Variants in SMAD7 observed in about 807,000 individuals in gnomAD.
SMAD7 encodes SMAD family member 7.
A neutral mutation model predicts 38.7 loss-of-function variants in SMAD7; 8 were observed. The ratio of observed to expected loss-of-function variants is 0.21; its 90% CI spans 0.12 to 0.37. SMAD7 has a LOEUF of 0.37. Among genes scored for constraint, SMAD7 ranks in the 10% least tolerant of loss-of-function variants. The probability of loss-of-function intolerance (pLI) is 1.00; values close to 1 mark genes in which losing one functional copy is unlikely to be tolerated. For synonymous variants in SMAD7, 327 were observed against 265.1 expected (o/e 1.23, Z -2.27); for missense variants, 477 against 577.9 (o/e 0.83, Z 1.79).
At chr18:48,925,442 A>T (rs59381517) in intron 3 of SMAD7, among the ~76,000 whole-genome samples, 1 of 151,170 alleles carries the variant, frequency 6.6e-6, no homozygotes, top group Admixed American at 6.6e-5. Flanking sequence ...GCCCCCCCCC[A>T]ACCTTCCCCA....
chr18:48,928,312 A>G (rs2069953114), intron 3 of SMAD7, among the ~76,000 whole-genome samples: 1 of 152,204 alleles, frequency 6.6e-6, no homozygotes, highest in Non-Finnish European at 1.5e-5. Context: ...TATTTTTACT[A>G]CCTTCCAGAG....
At chr18:48,942,139 C>T (rs745905460) in intron 3 of SMAD7, among the ~76,000 whole-genome samples, 2 of 152,168 alleles carry the variant, frequency 1.3e-5, no homozygotes, top group Non-Finnish European at 2.9e-5. Context: ...AAAAAGAGCT[C>T]AAATGCATGA....
chr18:48,946,908 G>C (rs1306017286), intron 2 of SMAD7, among the ~76,000 whole-genome samples: 4 of 152,022 alleles, frequency 2.6e-5, no homozygotes, highest in Non-Finnish European at 5.9e-5. Flanking sequence ...TACCCCTGCT[G>C]GTCTTTATCC....
At chr18:48,933,326 G>A (rs1315145072) in intron 3 of SMAD7, among the ~76,000 whole-genome samples, 1 of 152,120 alleles carries the variant, frequency 6.6e-6, no homozygotes, top group African/African-American at 2.4e-5. Flanking sequence ...CTGCCTCCAG[G>A]TAGAGGCAAC....
intron 3 of SMAD7, among the ~76,000 whole-genome samples, chr18:48,922,975 G>A (rs2069881112): frequency 1.3e-5 from 2 of 152,204 alleles, no homozygotes; most frequent in African/African-American, 4.8e-5. Context: ...GGGAAAGGGA[G>A]CCCCGGCGGC....
In SMAD7 at chr18:48,950,035, G is replaced by A; in HGVS notation, c.390C>T (p.Gly130=). ...GTRTACLLLP[G]RLDCRLGPGA... ...CCGGGCCCAGCCTGCAGTCCAGGCGGCCGGGCAGCAGGAGGCACGCGGTGC... is the reference window on the plus strand; with the variant it reads ...CCGGGCCCAGCCTGCAGTCCAGGCGACCGGGCAGCAGGAGGCACGCGGTGC... Residue 130 remains glycine (G), a synonymous_variant, in exon 1 of 4, where the codon GGC becomes GGT. Coordinates refer to ENST00000262158, the MANE Select transcript of SMAD7 (RefSeq NM_005904.4). 2.1e-6 allele frequency: 3 copies of A among 1,454,440 alleles called. No homozygotes were observed. The highest frequency in any genetic ancestry group is 1.8e-6 in the Non-Finnish European group (2 of 1,106,578). The allele number at this position is 1,454,440 out of a possible 1,614,324, so 90.1% of individuals were successfully genotyped here.
At chr18:48,941,159 G>A (rs2070135019) in intron 3 of SMAD7, among the ~76,000 whole-genome samples, 1 of 152,058 alleles carries the variant, frequency 6.6e-6, no homozygotes, top group Admixed American at 6.6e-5. Context: ...GCCTTAGAAA[G>A]CAGAAAAGAT....
At chr18:48,927,215 A>G (rs189681179) in intron 3 of SMAD7, among the ~76,000 whole-genome samples, 57 of 152,352 alleles carry the variant, frequency 3.7e-4, no homozygotes, top group Admixed American at 1.2e-3. Flanking sequence ...ATCAGAAAAC[A>G]CTGGGGCCCA....
Position 48,950,284 on chromosome 18 carries a change from C to T in SMAD7, c.141G>A (p.Ala47=), listed in dbSNP as rs1471477835. The T allele has an allele frequency of 1.3e-6, 2 of 1,528,616 alleles. No individual in the cohort carries two copies. Among genetic ancestry groups the T allele is most frequent in the South Asian group, 1.2e-5 (1 of 82,630 alleles). 94.7% of individuals were successfully genotyped at this position (1,528,616 alleles called of 1,614,324 possible). Residue 47 remains alanine, a synonymous_variant, in exon 1 of 4, where the codon GCG becomes GCA. Transcript: ENST00000262158. ...LRGEGATDSR[A]HGAGGGGPGR... is the part of the protein sequence containing the mutation. The stretch of plus-strand genomic sequence containing the variant: ...CCGGGCCGCCGCCACCGGCCCCATG[C>T]GCTCGGCTGTCCGTCGCCCCTTCTC...
chr18:48,939,473 T>C lies in SMAD7; in HGVS notation c.742+3008A>G, dbSNP rs1351047670. 2.9e-5 allele frequency among the ~76,000 whole-genome samples: 4 copies of C among 139,038 alleles called. No homozygotes were observed. The Admixed American group carries it at 3.0e-4, about 10-fold the overall frequency. The allele number at this position is 139,038 out of a possible 152,430, so 91.2% of individuals were successfully genotyped here. ...GCTCCTACCCGCCCACTCCCCTTCC[T>C]CCCGGGCAGTTTGCAAGGGCGCAGG... On this transcript the variant is annotated intron_variant, in intron 3 of 3. Transcript: ENST00000262158.
chr18:48,933,091 G>T (rs554138261), intron 3 of SMAD7, among the ~76,000 whole-genome samples: 3 of 152,122 alleles, frequency 2.0e-5, no homozygotes, highest in Non-Finnish European at 2.9e-5. Flanking sequence ...AGCAAGAAGC[G>T]GGGTGGGGAG....
At chr18:48,948,102 T>C (rs375043405) in intron 2 of SMAD7, among the ~76,000 whole-genome samples, 30 of 152,316 alleles carry the variant, frequency 2.0e-4, no homozygotes, top group African/African-American at 6.7e-4. Flanking sequence ...CACTTCTCTC[T>C]GGACTAAAGC....
chr18:48,943,374 C>A (rs910917420), intron 2 of SMAD7, among the ~76,000 whole-genome samples: 21 of 152,204 alleles, frequency 1.4e-4, no homozygotes, highest in African/African-American at 4.8e-4. Flanking sequence ...TTCTCTTCAA[C>A]TTCTGTCACC....
intron 3 of SMAD7, among the ~76,000 whole-genome samples, chr18:48,940,736 G>A (rs1390732223): frequency 6.6e-6 from 1 of 151,592 alleles, no homozygotes; most frequent in Non-Finnish European, 1.5e-5. Context: ...TGGTGACAGA[G>A]CGAGACTCCG....
intron 3 of SMAD7, among the ~76,000 whole-genome samples, chr18:48,935,935 C>T (rs930330420): frequency 1.3e-5 from 2 of 152,068 alleles, no homozygotes; most frequent in Non-Finnish European, 2.9e-5. Flanking sequence ...ATTAGCCAGG[C>T]ATGGTGTGGC....
At chr18:48,942,382 A>G in intron 3 of SMAD7, 99 bp downstream of exon 3, 1 of 771,322 alleles carries the variant, frequency 1.3e-6, no homozygotes, top group Non-Finnish European at 2.2e-6. Context: ...AATGAAGTCC[A>G]GACCAGCTGG....
At chr18:48,926,171 G>A (rs896493555) in intron 3 of SMAD7, among the ~76,000 whole-genome samples, 3 of 152,246 alleles carry the variant, frequency 2.0e-5, no homozygotes, top group African/African-American at 7.2e-5. Flanking sequence ...AGGGCAGAGA[G>A]GCAGAGCAGC....
At chr18:48,935,774 T>C (rs561394253) in intron 3 of SMAD7, among the ~76,000 whole-genome samples, 1 of 152,252 alleles carries the variant, frequency 6.6e-6, no homozygotes, top group South Asian at 2.1e-4. Flanking sequence ...TGTGTCTGCT[T>C]GCTCAGGTAA....
At chr18:48,930,368 G>A (rs550188612) in intron 3 of SMAD7, among the ~76,000 whole-genome samples, 82 of 152,132 alleles carry the variant, frequency 5.4e-4, no homozygotes, top group African/African-American at 1.7e-3. Context: ...TCCCTCTGGC[G>A]GGTCCTCCCA....
Sources: allele counts gnomAD v4.1 joint callset (sites outside exome capture counted in the v4.1 genomes callset), GRCh38; gene constraint gnomAD v4.1.1; transcripts MANE v1.5; gene names NCBI Gene and HGNC (gene_info 2026-07-23, HGNC 2026-07-21).